Variants in UGT1A8 observed in about 807,000 individuals in gnomAD.
UGT1A8 encodes the protein UDP-glucuronosyltransferase 1A8.
Under a neutral mutation model 45.3 loss-of-function variants are expected in UGT1A8, and 39 were observed. That is an observed-to-expected ratio of 0.86 (90% CI 0.67 to 1.12). The LOEUF is 1.12. Among genes scored for constraint, UGT1A8 ranks in the 50% most tolerant of loss-of-function variants. The pLI is 0.00. For missense variants in UGT1A8, 719 were observed against 664.9 expected (o/e 1.08, Z -0.90); for synonymous variants, 275 against 249.2 (o/e 1.10, Z -0.97).
chr2:233,681,969 C>A, intron 1 of UGT1A8: 1 of 1,614,088 alleles, frequency 6.2e-7, no homozygotes, highest in South Asian at 1.1e-5. Flanking sequence ...GGCCTCCTTC[C>A]CCTATATGTG....
intron 1 of UGT1A8, among the ~76,000 whole-genome samples, chr2:233,679,214 T>G (rs573307529): frequency 1.3e-5 from 2 of 152,224 alleles, no homozygotes; most frequent in East Asian, 3.8e-4. Flanking sequence ...GGGTTCTGGG[T>G]GGCTAGGGAA....
chr2:233,647,258 C>G (rs2073629714), intron 1 of UGT1A8, among the ~76,000 whole-genome samples: 1 of 152,214 alleles, frequency 6.6e-6, no homozygotes, highest in Admixed American at 6.5e-5. Context: ...TGGGTGGGGA[C>G]ACAGCCAAAC....
chr2:233,737,953 A>T (rs1429614905), intron 1 of UGT1A8, among the ~76,000 whole-genome samples: 2 of 152,112 alleles, frequency 1.3e-5, no homozygotes, highest in Non-Finnish European at 2.9e-5. Context: ...GTTTCCCAAC[A>T]TGAGGTCACA....
intron 1 of UGT1A8, chr2:233,672,304 T>C: frequency 1.2e-6 from 2 of 1,614,024 alleles, no homozygotes; most frequent in East Asian, 4.5e-5. Flanking sequence ...TTTTTCAAAT[T>C]GCAGGAGTTT....
At chr2:233,637,242 G>C in intron 1 of UGT1A8, 2 of 1,613,822 alleles carry the variant, frequency 1.2e-6, no homozygotes, top group Admixed American at 1.7e-5. Context: ...CCCCTGTCAC[G>C]GCATATGATC....
intron 1 of UGT1A8, among the ~76,000 whole-genome samples, chr2:233,697,919 A>G (rs1671784522): frequency 6.6e-6 from 1 of 152,252 alleles, no homozygotes; most frequent in South Asian, 2.1e-4. Flanking sequence ...TTCTCCTAGA[A>G]GTCTAGGGTA....
intron 1 of UGT1A8, among the ~76,000 whole-genome samples, chr2:233,746,725 G>A (rs1489490060): frequency 6.6e-6 from 1 of 151,774 alleles, no homozygotes; most frequent in Non-Finnish European, 1.5e-5. Flanking sequence ...AATTAGCAAT[G>A]GATTCTGCTT....
In UGT1A8 at chr2:233,693,777, A is replaced by G. The variant is rs112793692; in HGVS notation, c.856-73257A>G. 1.7e-5 allele frequency: 27 copies of G among 1,614,218 alleles called. No homozygotes were observed. In the African/African-American group the frequency reaches 1.7e-4, roughly 10 times the overall value. On this transcript the variant is annotated intron_variant, in intron 1 of 4. Coordinates refer to ENST00000373450, the MANE Select transcript of UGT1A8 (RefSeq NM_019076.5). ...GTCTCTGTTTGGCTGTTAAGATATG[A>G]CTTTGTGCTTGAATATCCTAGGCCG...
chr2:233,670,389 C>T (rs2074158878), intron 1 of UGT1A8, among the ~76,000 whole-genome samples: 1 of 152,216 alleles, frequency 6.6e-6, no homozygotes. Context: ...TTTGCCTTTG[C>T]AATTCTTTGA....
At chr2:233,637,087 T>A (rs138189938) in intron 1 of UGT1A8, 8 of 1,613,962 alleles carry the variant, frequency 5.0e-6, no homozygotes, top group Non-Finnish European at 6.8e-6. Flanking sequence ...TCCTCTTTCC[T>A]ATGTCCCCAA....
At position 233,754,943 on chromosome 2, in the gene UGT1A8, T is replaced by C. The variant is rs746665032; in HGVS notation, c.856-12091T>C. 5.3e-6 allele frequency: 7 copies of C among 1,332,236 alleles called. No individual in the cohort carries two copies. The African/African-American group carries it at 1.0e-4, about 20-fold the overall frequency. The allele number at this position is 1,332,236 out of a possible 1,614,324, so 82.5% of individuals were successfully genotyped here. The stretch of plus-strand genomic sequence containing the variant: ...GGTTTCCCAAGAGGTCAAAGGAGAA[T>C]GGGTCCCGGCCGCCAAAGAACTCCC... On this transcript the variant is annotated intron_variant, in intron 1 of 4. Transcript: ENST00000373450.
chr2:233,714,792 G>A (rs1347509231), intron 1 of UGT1A8, among the ~76,000 whole-genome samples: 5 of 152,156 alleles, frequency 3.3e-5, no homozygotes, highest in Non-Finnish European at 7.3e-5. Context: ...CACATTTCAA[G>A]TGCTCAATAT....
Position 233,772,664 on chromosome 2 carries a change from C to G in UGT1A8, c.*105C>G, listed in dbSNP as rs1700540961. 1.9e-6 allele frequency: 3 copies of G among 1,539,532 alleles called. No individual in the cohort carries two copies. Among genetic ancestry groups the G allele is most frequent in the Non-Finnish European group, 2.6e-6 (3 of 1,144,204 alleles). ...TCATTTTATTCTTATTAAGGAAATA[C>G]TTTGCATAAATTAATCAGCCCCAGA... On this transcript the variant is annotated 3_prime_UTR_variant, in exon 5 of 5. Coordinates refer to ENST00000373450, the MANE Select transcript of UGT1A8 (RefSeq NM_019076.5).
At chr2:233,736,657 T>G (rs571352922) in intron 1 of UGT1A8, among the ~76,000 whole-genome samples, 1 of 152,376 alleles carries the variant, frequency 6.6e-6, no homozygotes, top group African/African-American at 2.4e-5. Context: ...TGTGGTTTTA[T>G]GTACCTTAGG....
chr2:233,689,703 C>T (rs1005426384), intron 1 of UGT1A8, among the ~76,000 whole-genome samples: 2 of 152,156 alleles, frequency 1.3e-5, no homozygotes, highest in African/African-American at 4.8e-5. Flanking sequence ...CGTTATTTCC[C>T]CTTATCTGAG....
chr2:233,711,531 C>T (rs1251081299), intron 1 of UGT1A8, among the ~76,000 whole-genome samples: 4 of 152,194 alleles, frequency 2.6e-5, no homozygotes, highest in African/African-American at 7.2e-5. Context: ...CACAACTCCC[C>T]GGGAATCATC....
chr2:233,690,208 T>A lies in UGT1A8; in HGVS notation c.855+71646T>A, dbSNP rs181844455. 1.8e-4 allele frequency among the ~76,000 whole-genome samples: 27 copies of A among 152,382 alleles called. No homozygotes were observed. In the East Asian group the frequency reaches 5.0e-3, roughly 28 times the overall value. ...TCATAAAATATTCATAAATTCAATG[T>A]TTGCCATTTTAGTATTCTAGATTCA... On this transcript the variant is annotated intron_variant, in intron 1 of 4. Transcript: ENST00000373450.
At chr2:233,678,388 G>A (rs930248608) in intron 1 of UGT1A8, among the ~76,000 whole-genome samples, 1 of 152,144 alleles carries the variant, frequency 6.6e-6, no homozygotes, top group Non-Finnish European at 1.5e-5. Flanking sequence ...GGGCTGTGGA[G>A]GAGGAGGAGT....
chr2:233,672,281 T>C, intron 1 of UGT1A8: 1 of 1,613,842 alleles, frequency 6.2e-7, no homozygotes, highest in African/African-American at 1.3e-5. Flanking sequence ...TACAATGACA[T>C]TTTTGACTTA....
Sources: allele counts gnomAD v4.1 joint callset (sites outside exome capture counted in the v4.1 genomes callset), GRCh38; gene constraint gnomAD v4.1.1; transcripts MANE v1.5; gene names NCBI Gene and HGNC (gene_info 2026-07-23, HGNC 2026-07-21).